CDCP1: variants seen among roughly 807,000 people sequenced by gnomAD.
CDCP1 encodes the protein CUB domain-containing protein 1.
In CDCP1, 29 loss-of-function variants were observed where a neutral mutation model predicts 60.2. That is an observed-to-expected ratio of 0.48 (90% CI 0.36 to 0.66). CDCP1 has a LOEUF of 0.66. CDCP1 is among the 30% of genes least tolerant of loss of function. The pLI is 0.00. For synonymous variants in CDCP1, 387 were observed against 431.1 expected, an observed-to-expected ratio of 0.90 and a Z score of 1.27; for missense variants, 876 against 1,074.3, an observed-to-expected ratio of 0.82 and a Z score of 2.58.
At chr3:45,118,313 T>A (rs1432307477) in intron 2 of CDCP1, 99 bp downstream of exon 2, 1 of 886,510 alleles carries the variant, frequency 1.1e-6, no homozygotes, top group Non-Finnish European at 1.8e-6. Context: ...AGATCTTAGC[T>A]CTCTAGCATT....
chr3:45,136,289 G>T (rs1699189149), intron 1 of CDCP1, among the ~76,000 whole-genome samples: 1 of 152,242 alleles, frequency 6.6e-6, no homozygotes, highest in Non-Finnish European at 1.5e-5. Flanking sequence ...TCCTGACAGG[G>T]AGAGAGACTG....
At chr3:45,143,338 C>A (rs1001513763) in intron 1 of CDCP1, among the ~76,000 whole-genome samples, 1 of 152,210 alleles carries the variant, frequency 6.6e-6, no homozygotes, top group African/African-American at 2.4e-5. Flanking sequence ...CCTTTCATGT[C>A]ATTTTCTAGT....
intron 4 of CDCP1, among the ~76,000 whole-genome samples, chr3:45,103,355 G>A (rs1373396899): frequency 6.6e-6 from 1 of 152,242 alleles, no homozygotes; most frequent in South Asian, 2.1e-4. Context: ...CTCCATGAGC[G>A]AGCATATCAC....
Position 45,093,444 on chromosome 3 carries a change from G to A in CDCP1, c.1460C>T (p.Ala487Val), listed in dbSNP as rs1231590890. 8.7e-6 allele frequency: 14 copies of A among 1,614,132 alleles called. No homozygotes were observed. Among genetic ancestry groups the A allele is most frequent in the Non-Finnish European group, 1.2e-5 (14 of 1,179,984 alleles). ...GAAGTACAGGTCCTGGCTGGGTATG[G>A]CACTGGCCACGAGGTAGCTGAAGCT... is the stretch of plus-strand genomic sequence containing the variant. ...NTSFSYLVAS[A>V]IPSQDLYFGS... The change falls in exon 6 of 9, where the codon GCC (alanine) becomes GTC (valine). Residue 487 changes from alanine to valine, a missense_variant. Physicochemically the swap from Ala to Val is moderately conservative, Grantham distance 64. Transcript: ENST00000296129.
At position 45,091,536 on chromosome 3, in the gene CDCP1, C is replaced by T; in HGVS notation, c.1630G>A (p.Glu544Lys). Residue 544 changes from glutamate to lysine, a missense_variant and splice_region_variant, in exon 7 of 9, where the codon GAA becomes AAA. By Grantham distance (56) the Glu-to-Lys change is moderately conservative (BLOSUM62 1). Around this residue, in one of 2 missense-constraint regions of CDCP1, gnomAD observed 726 missense variants for 935.7 expected, o/e 0.78. Transcript: ENST00000296129. The surrounding 1 kb of genome is among the most constrained non-coding windows in gnomAD (Gnocchi z 4.8). ...TVSFIPYFKE[E>K]GVFTVTPDTK... Reference sequence around the variant, plus strand: ...TCAGGGGTCACCGTGAAAACGCCTTCCTCTGCAGGAAAGGGAGGGAGATCC... The same window carrying T: ...TCAGGGGTCACCGTGAAAACGCCTTTCTCTGCAGGAAAGGGAGGGAGATCC... 6.3e-7 allele frequency: 1 copy of T among 1,597,330 alleles called. No homozygotes were observed. Among genetic ancestry groups the T allele is most frequent in the Non-Finnish European group, 8.5e-7 (1 of 1,172,868 alleles).
intron 1 of CDCP1, among the ~76,000 whole-genome samples, chr3:45,133,717 CAAAA>C (rs1215278385): frequency 6.0e-5 from 3 of 50,272 alleles, no homozygotes; most frequent in Admixed American, 5.2e-4. Context: ...GACTCCGTCT[CAAAA>C]AAAAAAAAAA....
In CDCP1 at chr3:45,089,122, G is replaced by T; in HGVS notation, c.2013C>A (p.Ile671=). 1.2e-6 allele frequency: 2 copies of T among 1,614,030 alleles called. No homozygotes were observed. Among genetic ancestry groups the T allele is most frequent in the Non-Finnish European group, 1.7e-6 (2 of 1,179,960 alleles). The part of the protein sequence containing the change: ...PRTVDLTVIL[I]AAVGGGVLLL... ...GTAAGACTCCACCTCCCACCGCTGC[G>T]ATGAGGATGACAGTCAAGTCTGTGA... The change falls in exon 8 of 9, where the codon ATC becomes ATA. Residue 671 remains isoleucine (I), a synonymous_variant. Coordinates refer to ENST00000296129, the MANE Select transcript of CDCP1 (RefSeq NM_022842.5).
intron 1 of CDCP1, among the ~76,000 whole-genome samples, chr3:45,131,212 A>C (rs1015525500): frequency 7.2e-5 from 11 of 152,056 alleles, no homozygotes; most frequent in South Asian, 2.1e-4. Flanking sequence ...AAAAAAAAAA[A>C]CCCAACTCAA....
intron 2 of CDCP1, among the ~76,000 whole-genome samples, chr3:45,117,240 C>T (rs1698808356): frequency 6.6e-6 from 1 of 152,162 alleles, no homozygotes; most frequent in African/African-American, 2.4e-5. Flanking sequence ...ATTATAAATG[C>T]ATGTTTCCCT....
chr3:45,089,814 C>T (rs1034761363), intron 7 of CDCP1, among the ~76,000 whole-genome samples: 2 of 152,158 alleles, frequency 1.3e-5, no homozygotes, highest in African/African-American at 4.8e-5. Context: ...ATTGCCACAG[C>T]CTGTCTTGGA....
intron 1 of CDCP1, among the ~76,000 whole-genome samples, chr3:45,142,456 A>G (rs75050791): frequency 6.6e-6 from 1 of 152,314 alleles, no homozygotes; most frequent in Non-Finnish European, 1.5e-5. Context: ...TCTGCCCAGC[A>G]ACACTGTCCA....
At chr3:45,125,694 T>C (rs1158363688) in intron 1 of CDCP1, among the ~76,000 whole-genome samples, 1 of 152,224 alleles carries the variant, frequency 6.6e-6, no homozygotes, top group Admixed American at 6.5e-5. Context: ...CAGTCCTGGC[T>C]GGCTGGGTGG....
Position 45,097,359 on chromosome 3 carries a change from C to T in CDCP1, c.1025-1791G>A, listed in dbSNP as rs117122086. Reference sequence around the variant, plus strand: ...AGAAAAGAAAAAAAGAATAGGGATACCTTTTCAACTCTTTAGAATAGATTA... The same window carrying T: ...AGAAAAGAAAAAAAGAATAGGGATATCTTTTCAACTCTTTAGAATAGATTA... On this transcript the variant is annotated intron_variant, in intron 4 of 8. Coordinates refer to ENST00000296129, the MANE Select transcript of CDCP1 (RefSeq NM_022842.5). Among the ~76,000 whole-genome samples the T allele has an allele frequency of 5.3e-4, 80 of 151,796 alleles. 2 individuals carry two copies. The East Asian group carries it at 0.014, about 26-fold the overall frequency.
intron 1 of CDCP1, among the ~76,000 whole-genome samples, chr3:45,119,169 T>A (rs1171775041): frequency 6.6e-6 from 1 of 152,114 alleles, no homozygotes; most frequent in Non-Finnish European, 1.5e-5. Flanking sequence ...TTAGATATAA[T>A]CATATTATAT....
intron 1 of CDCP1, among the ~76,000 whole-genome samples, chr3:45,141,935 G>A (rs35482588): frequency 0.13 from 19,930 of 152,054 alleles, 1,406 homozygotes; most frequent in African/African-American, 0.15. Flanking sequence ...GGGTTCAAGC[G>A]ATTCTCAAGC....
intron 1 of CDCP1, among the ~76,000 whole-genome samples, chr3:45,145,663 ATGCAG>A (rs897923323): frequency 2.0e-5 from 3 of 152,298 alleles, no homozygotes; most frequent in African/African-American, 7.2e-5. Context: ...GAGAGGGGGA[ATGCAG>A]CGTGCGGACG....
At chr3:45,103,792 G>T (rs958901980) in intron 4 of CDCP1, among the ~76,000 whole-genome samples, 2 of 152,204 alleles carry the variant, frequency 1.3e-5, no homozygotes, top group Non-Finnish European at 2.9e-5. Context: ...CACAGCAAGA[G>T]GCTCTCACCA....
intron 1 of CDCP1, among the ~76,000 whole-genome samples, chr3:45,121,663 C>CT (rs1409920897): frequency 6.6e-6 from 1 of 152,114 alleles, no homozygotes; most frequent in Admixed American, 6.5e-5. Flanking sequence ...GCTGCATTGC[C>CT]TAAGGCTAGA....
intron 1 of CDCP1, among the ~76,000 whole-genome samples, chr3:45,140,232 A>G (rs1699265554): frequency 6.6e-6 from 1 of 152,326 alleles, no homozygotes; most frequent in South Asian, 2.1e-4. Context: ...CTTCAACTCT[A>G]TATAATCTTT....
Sources: gnomAD v4.1 joint callset for allele counts (sites outside exome capture counted in the v4.1 genomes callset) on GRCh38, gnomAD v4.1.1 for gene constraint, gnomAD v4.1.1 regional missense constraint, Gnocchi (gnomAD v3.1) non-coding constraint, MANE v1.5 for transcripts, NCBI Gene and HGNC (gene_info 2026-07-23, HGNC 2026-07-21) for gene names.